The following ZCCHC7 variants were observed in gnomAD, a reference collection of about 807,000 sequenced individuals.
ZCCHC7 encodes zinc finger CCHC-type containing 7.
Under a neutral mutation model 52.0 loss-of-function variants are expected in ZCCHC7, and 35 were observed. The observed-to-expected ratio is 0.67, with a 90% CI of 0.51 to 0.89. ZCCHC7 has a LOEUF of 0.89. Among genes scored for constraint, ZCCHC7 ranks in the 40% least tolerant of loss-of-function variants. The pLI, the probability that ZCCHC7 is intolerant of heterozygous loss-of-function variation, is 0.00. For missense variants in ZCCHC7, 574 were observed against 649.1 expected (o/e 0.88, Z 1.26); for synonymous variants, 217 against 221.5 (o/e 0.98, Z 0.18).
At chr9:37,262,573 T>C (rs887806183) in intron 2 of ZCCHC7, among the ~76,000 whole-genome samples, 1 of 152,190 alleles carries the variant, frequency 6.6e-6, no homozygotes, top group South Asian at 2.1e-4. Flanking sequence ...TCTTCACAGT[T>C]TACTCACAGC....
intron 2 of ZCCHC7, among the ~76,000 whole-genome samples, chr9:37,140,094 T>A (rs2132764189): frequency 6.6e-6 from 1 of 152,082 alleles, no homozygotes; most frequent in African/African-American, 2.4e-5. Context: ...GAGATTTTCT[T>A]TAAAGAGAAG....
chr9:37,349,303 A>G (rs1356167310), intron 6 of ZCCHC7, 54 bp from the exon 7 acceptor site: 18 of 1,566,512 alleles, frequency 1.1e-5, no homozygotes, highest in Non-Finnish European at 1.5e-5. Context: ...GGAAAGAATG[A>G]GGTTTTAATT....
chr9:37,305,641 A>C lies in ZCCHC7; in HGVS notation c.878A>C (p.Asp293Ala). ...TACTGTCCTGTGCCTAAGATGTTGG[A>C]CCACTCATGTCTTTTCAGACATTCC... is the stretch of plus-strand genomic sequence containing the variant. ...CEYCPVPKML[D>A]HSCLFRHSWD... The change falls in exon 5 of 9, where the codon GAC (aspartate) becomes GCC (alanine). Residue 293 changes from aspartate (D) to alanine (A), a missense_variant. Around this residue, in one of 3 missense-constraint regions of ZCCHC7, gnomAD observed 403 missense variants for 461.2 expected, o/e 0.87. Coordinates refer to ENST00000336755, the MANE Select transcript of ZCCHC7 (RefSeq NM_032226.3). 6.2e-7 allele frequency: 1 copy of C among 1,614,036 alleles called. No individual in the cohort carries two copies. Among genetic ancestry groups the C allele is most frequent in the Non-Finnish European group, 8.5e-7 (1 of 1,180,000 alleles).
chr9:37,268,889 G>A (rs1588581097), intron 2 of ZCCHC7, among the ~76,000 whole-genome samples: 1 of 152,114 alleles, frequency 6.6e-6, no homozygotes, highest in Non-Finnish European at 1.5e-5. Flanking sequence ...GCTATGTTAG[G>A]GATAAGAAGT....
chr9:37,161,722 A>G (rs747077412), intron 2 of ZCCHC7, among the ~76,000 whole-genome samples: 3 of 152,236 alleles, frequency 2.0e-5, no homozygotes, highest in East Asian at 1.9e-4. Context: ...CATGGCAGCT[A>G]TAGTATACGG....
intron 2 of ZCCHC7, among the ~76,000 whole-genome samples, chr9:37,242,770 C>T (rs1227931449): frequency 1.3e-5 from 2 of 151,738 alleles, no homozygotes; most frequent in Non-Finnish European, 3.0e-5. Flanking sequence ...TTACATTTTA[C>T]ATTTACATAT....
intron 6 of ZCCHC7, among the ~76,000 whole-genome samples, chr9:37,336,194 T>A (rs962800695): frequency 6.6e-6 from 1 of 152,154 alleles, no homozygotes; most frequent in Admixed American, 6.5e-5. Context: ...TAGCAAAATG[T>A]AGTGGTATAA....
chr9:37,211,979 A>G (rs952156672), intron 2 of ZCCHC7, among the ~76,000 whole-genome samples: 6 of 129,754 alleles, frequency 4.6e-5, no homozygotes, highest in South Asian at 2.7e-4. Context: ...GTGAGCCGAG[A>G]TGGCGCCACT....
In ZCCHC7 at chr9:37,126,685, G is replaced by A. The variant is rs35119826; in HGVS notation, c.353G>A (p.Gly118Asp). 16,162 of 1,614,042 alleles carry A rather than the reference G, an allele frequency of 0.01. 1,219 individuals are homozygous for A. The African/African-American group carries it at 0.18, about 18-fold the overall frequency. The change falls in exon 2 of 9, where the codon GGT becomes GAT. Residue 118 changes from glycine to aspartate, a missense_variant. Physicochemically the swap from Gly to Asp is moderately conservative, Grantham distance 94 (BLOSUM62 -1). This residue lies in a region of ZCCHC7 where 403 missense variants were observed against 461.2 expected (regional missense o/e 0.87). Coordinates refer to ENST00000336755, the MANE Select transcript of ZCCHC7 (RefSeq NM_032226.3). ...VRVQAQENAH[G>D]LSSSLQSNEL... ...GTTCAAGCACAAGAAAATGCCCATG[G>A]TCTTTCTTCTTCTCTTCAATCTAAT...
intron 2 of ZCCHC7, among the ~76,000 whole-genome samples, chr9:37,204,737 G>A (rs1354183897): frequency 1.3e-5 from 2 of 152,184 alleles, no homozygotes; most frequent in Non-Finnish European, 2.9e-5. Context: ...AAGTTAGGTA[G>A]CATGATGCCT....
At chr9:37,141,781 T>C (rs1363501214) in intron 2 of ZCCHC7, among the ~76,000 whole-genome samples, 1 of 151,916 alleles carries the variant, frequency 6.6e-6, no homozygotes, top group Non-Finnish European at 1.5e-5. Flanking sequence ...AATAAGCATA[T>C]GAACATGCCT....
upstream of ZCCHC7, chr9:37,120,519 C>A: frequency 2.5e-6 from 1 of 399,064 alleles, no homozygotes; most frequent in East Asian, 3.6e-5. Context: ...CCTTCCCTCC[C>A]GGGTCTGCGC....
chr9:37,123,768 A>C (rs557448726), intron 1 of ZCCHC7, among the ~76,000 whole-genome samples: 1 of 152,332 alleles, frequency 6.6e-6, no homozygotes, highest in African/African-American at 2.4e-5. Context: ...GAATTAATTT[A>C]CCTATTAAAT....
chr9:37,162,600 C>G (rs971434298), intron 2 of ZCCHC7, among the ~76,000 whole-genome samples: 2 of 152,122 alleles, frequency 1.3e-5, no homozygotes, highest in Non-Finnish European at 2.9e-5. Context: ...TGTGGTTATC[C>G]CACAGTTTAT....
intron 2 of ZCCHC7, among the ~76,000 whole-genome samples, chr9:37,221,919 C>G (rs1407817980): frequency 6.6e-6 from 1 of 151,662 alleles, no homozygotes; most frequent in East Asian, 1.9e-4. Context: ...AGGCATTGTG[C>G]TAGGTTCTAT....
At position 37,349,413 on chromosome 9, in the gene ZCCHC7, A is replaced by T. The variant is rs140657960; in HGVS notation, c.1044A>T (p.Ala348=). Reference sequence around the variant, plus strand: ...CCCCTTCAAGACCATCAGCCTTAGCATATTGCTATCACTGCGCGCAAAAAG... The same window carrying T: ...CCCCTTCAAGACCATCAGCCTTAGCTTATTGCTATCACTGCGCGCAAAAAG... ...PKTPSRPSAL[A]YCYHCAQKGH... Residue 348 remains alanine, a synonymous_variant, in exon 7 of 9, where the codon GCA becomes GCT. Coordinates refer to ENST00000336755, the MANE Select transcript of ZCCHC7 (RefSeq NM_032226.3). 249 of 1,614,060 alleles carry T rather than the reference A, an allele frequency of 1.5e-4. No individual in the cohort carries two copies. Among genetic ancestry groups the T allele is most frequent in the Non-Finnish European group, 2.0e-4 (236 of 1,180,014 alleles).
intron 2 of ZCCHC7, among the ~76,000 whole-genome samples, chr9:37,171,765 T>G (rs1821742200): frequency 6.6e-6 from 1 of 152,202 alleles, no homozygotes; most frequent in Admixed American, 6.5e-5. Flanking sequence ...TTAGAGGACC[T>G]TGAGTTCTAC....
At chr9:37,343,230 T>A (rs1486865472) in intron 6 of ZCCHC7, among the ~76,000 whole-genome samples, 1 of 152,240 alleles carries the variant, frequency 6.6e-6, no homozygotes, top group African/African-American at 2.4e-5. Flanking sequence ...GTAAAATATT[T>A]CATTCTTTAA....
chr9:37,223,376 G>A (rs924208037), intron 2 of ZCCHC7, among the ~76,000 whole-genome samples: 9 of 152,128 alleles, frequency 5.9e-5, no homozygotes, highest in Non-Finnish European at 1.2e-4. Context: ...TGTGTTAAGT[G>A]CAGTAAGCCT....
Sources: gnomAD v4.1 joint callset for allele counts (sites outside exome capture counted in the v4.1 genomes callset) on GRCh38, gnomAD v4.1.1 for gene constraint, gnomAD v4.1.1 regional missense constraint, MANE v1.5 for transcripts, NCBI Gene and HGNC (gene_info 2026-07-23, HGNC 2026-07-21) for gene names.